Variants in PDE8A observed in about 807,000 individuals in gnomAD.
PDE8A encodes the protein high affinity cAMP-specific and IBMX-insensitive 3',5'-cyclic phosphodiesterase 8A.
PDE8A carries 59 observed loss-of-function variants against 105.0 expected under a neutral mutation model. The ratio of observed to expected loss-of-function variants is 0.56; its 90% CI spans 0.46 to 0.70. PDE8A has a LOEUF of 0.70. Ranked by LOEUF, PDE8A falls within the 30% of genes least tolerant of loss-of-function variation. The probability of loss-of-function intolerance (pLI) is 0.00; values close to 1 mark genes in which losing one functional copy is unlikely to be tolerated. For missense variants in PDE8A, 1,014 were observed against 1,045.9 expected, an observed-to-expected ratio of 0.97 and a Z score of 0.42; for synonymous variants, 355 against 371.9, an observed-to-expected ratio of 0.95 and a Z score of 0.52.
chr15:85,103,010 C>T (rs573910929), intron 11 of PDE8A, among the ~76,000 whole-genome samples: 120 of 152,214 alleles, frequency 7.9e-4, no homozygotes, highest in African/African-American at 2.6e-3. Flanking sequence ...CGCTTGAGCC[C>T]AGGAGTTTGA....
chr15:84,994,051 G>A (rs1008005553), intron 1 of PDE8A, among the ~76,000 whole-genome samples: 9 of 152,038 alleles, frequency 5.9e-5, no homozygotes, highest in African/African-American at 1.5e-4. Flanking sequence ...TCTGTCCTCC[G>A]TGTCTCTTCA....
chr15:85,071,047 A>T (rs979304360), intron 3 of PDE8A, among the ~76,000 whole-genome samples: 1 of 152,242 alleles, frequency 6.6e-6, no homozygotes, highest in African/African-American at 2.4e-5. Context: ...GCAATAATAA[A>T]TAAAAACCCA....
intron 1 of PDE8A, among the ~76,000 whole-genome samples, chr15:84,985,623 A>AC (rs1355082232): frequency 2.0e-4 from 30 of 151,924 alleles, no homozygotes; most frequent in Admixed American, 2.0e-3. Flanking sequence ...TGCTCCCCAC[A>AC]CCCCAACTAA....
intron 1 of PDE8A, among the ~76,000 whole-genome samples, chr15:85,005,772 GC>G (rs1445830438): frequency 6.6e-6 from 1 of 152,036 alleles, no homozygotes; most frequent in Non-Finnish European, 1.5e-5. Context: ...CATTAGGACT[GC>G]CCTCTCTCGT....
At chr15:85,089,443 C>G (rs1239568260) in intron 7 of PDE8A, 27 bp downstream of exon 7, 1 of 1,331,046 alleles carries the variant, frequency 7.5e-7, no homozygotes, top group Non-Finnish European at 1.1e-6. Flanking sequence ...ATCTGTCTTT[C>G]TGGATTTCTT....
chr15:85,002,783 T>TA (rs2080087215), intron 1 of PDE8A, among the ~76,000 whole-genome samples: 1 of 152,142 alleles, frequency 6.6e-6, no homozygotes, highest in East Asian at 1.9e-4. Flanking sequence ...ATCACCTCAT[T>TA]AGCATAAACT....
intron 16 of PDE8A, among the ~76,000 whole-genome samples, chr15:85,116,732 C>T (rs77860473): frequency 0.07 from 10,618 of 152,268 alleles, 523 homozygotes; most frequent in Non-Finnish European, 0.11. Flanking sequence ...GAGGTGTGCT[C>T]GGTTGGGCCA....
Position 84,995,686 on chromosome 15 carries a change from G to T in PDE8A, c.186+13338G>T, listed in dbSNP as rs77407843. 4.9e-3 allele frequency among the ~76,000 whole-genome samples: 753 copies of T among 152,232 alleles called. 3 individuals carry two copies. The highest frequency in any genetic ancestry group is 0.017 in the African/African-American group (699 of 41,522). Reference sequence around the variant, plus strand: ...TTTTTGGGATTCATCTATGTTTCATGTCTCAGTAGTTCATAATATTACACG... The same window carrying T: ...TTTTTGGGATTCATCTATGTTTCATTTCTCAGTAGTTCATAATATTACACG... On this transcript the variant is annotated intron_variant, in intron 1 of 21. Coordinates refer to ENST00000394553, the MANE Select transcript of PDE8A (RefSeq NM_002605.3).
chr15:85,043,183 C>G (rs2080836814), intron 1 of PDE8A, among the ~76,000 whole-genome samples: 1 of 152,184 alleles, frequency 6.6e-6, no homozygotes, highest in Admixed American at 6.5e-5. Context: ...AGGCATGCTG[C>G]TAATTTGTTA....
chr15:85,096,346 C>A (rs1288843731), intron 8 of PDE8A, among the ~76,000 whole-genome samples: 3 of 152,036 alleles, frequency 2.0e-5, no homozygotes, highest in Admixed American at 1.3e-4. Flanking sequence ...GTGGTCCCAG[C>A]TACTTGGGAG....
chr15:85,083,534 A>G (rs991491799), intron 5 of PDE8A, 22 bp from the exon 6 acceptor site: 6 of 1,496,908 alleles, frequency 4.0e-6, no homozygotes, highest in African/African-American at 1.4e-5. Flanking sequence ...TTTATCCACA[A>G]AATTCCTCTT....
rs780837890 is a variant in PDE8A, at chr15:85,136,112, G to A, written c.2254-422G>A. Among the ~76,000 whole-genome samples, 8 of 151,350 alleles carry A rather than the reference G, an allele frequency of 5.3e-5. 1 individual carries two copies. In the East Asian group the frequency reaches 1.3e-3, roughly 26 times the overall value. ...GGCATTGAAATGTGACAGCAGTTAC[G>A]TCTCACTCCCCACCCTGACCTAAGT... On this transcript the variant is annotated intron_variant, in intron 20 of 21. Transcript: ENST00000394553.
At chr15:85,101,199 G>C (rs896143092) in intron 11 of PDE8A, among the ~76,000 whole-genome samples, 2 of 152,206 alleles carry the variant, frequency 1.3e-5, no homozygotes, top group Admixed American at 1.3e-4. Flanking sequence ...CAGGAGGACT[G>C]ACACTAGGGC....
At position 85,076,797 on chromosome 15, in the gene PDE8A, C is replaced by T. The variant is rs2093646557; in HGVS notation, c.546+10C>T. 8 of 1,494,472 alleles carry T rather than the reference C, an allele frequency of 5.4e-6. No individual in the cohort carries two copies. The highest frequency in any genetic ancestry group is 3.7e-6 in the Non-Finnish European group (4 of 1,071,130). The allele number at this position is 1,494,472 out of a possible 1,614,324, so 92.6% of individuals were successfully genotyped here. The stretch of plus-strand genomic sequence containing the variant: ...TGCTGGATTTACAAGGGTATGTACT[C>T]ACTTATTTGTTATACAAGTATAATT... On this transcript the variant is annotated intron_variant, in intron 5 of 21. Coordinates refer to ENST00000394553, the MANE Select transcript of PDE8A (RefSeq NM_002605.3).
chr15:85,100,362 A>G (rs1428102966), intron 11 of PDE8A, 164 bp downstream of exon 11: 3 of 634,282 alleles, frequency 4.7e-6, no homozygotes, highest in Non-Finnish European at 2.7e-6. Context: ...TCACTTGTAC[A>G]GAGGACTTGA....
At chr15:85,125,195 C>T (rs1275154832) in intron 19 of PDE8A, among the ~76,000 whole-genome samples, 1 of 152,172 alleles carries the variant, frequency 6.6e-6, no homozygotes, top group Non-Finnish European at 1.5e-5. Flanking sequence ...CAGGATGCCA[C>T]CCGTCCATCT....
chr15:85,123,958 C>T (rs1431745484), intron 19 of PDE8A, among the ~76,000 whole-genome samples: 1 of 152,186 alleles, frequency 6.6e-6, no homozygotes. Flanking sequence ...CTTCTCCATT[C>T]TGTGATCAGT....
intron 20 of PDE8A, among the ~76,000 whole-genome samples, chr15:85,132,155 A>G (rs1189248970): frequency 6.6e-6 from 1 of 152,040 alleles, no homozygotes; most frequent in Non-Finnish European, 1.5e-5. Flanking sequence ...AGATTTTTTC[A>G]AATATGGGGT....
intron 6 of PDE8A, among the ~76,000 whole-genome samples, chr15:85,084,786 A>C (rs1463304727): frequency 2.0e-5 from 3 of 152,178 alleles, no homozygotes; most frequent in Non-Finnish European, 4.4e-5. Context: ...TCTAAATCTG[A>C]CTGTAACCTC....
Sources: allele counts gnomAD v4.1 joint callset (sites outside exome capture counted in the v4.1 genomes callset), GRCh38; gene constraint gnomAD v4.1.1; transcripts MANE v1.5; gene names NCBI Gene and HGNC (gene_info 2026-07-23, HGNC 2026-07-21).